EYS: variants seen among roughly 807,000 people sequenced by gnomAD.
EYS encodes protein eyes shut homolog.
Under a neutral mutation model 282.1 loss-of-function variants are expected in EYS, and 250 were observed. The ratio of observed to expected loss-of-function variants is 0.89; its 90% CI spans 0.80 to 0.98. EYS has a LOEUF of 0.98. Among genes scored for constraint, EYS ranks in the 50% least tolerant of loss-of-function variants. The probability of loss-of-function intolerance (pLI) is 0.00; values close to 1 mark genes in which losing one functional copy is unlikely to be tolerated. For missense variants in EYS, 4,016 were observed against 3,709.0 expected (o/e 1.08, Z -2.15); for synonymous variants, 1,355 against 1,282.9 (o/e 1.06, Z -1.20).
chr6:64,852,489 G>A (rs528011697), intron 19 of EYS, among the ~76,000 whole-genome samples: 38 of 152,098 alleles, frequency 2.5e-4, no homozygotes, highest in African/African-American at 9.2e-4. Flanking sequence ...GCCTATTGTG[G>A]GACATTGTGA....
intron 15 of EYS, among the ~76,000 whole-genome samples, chr6:64,917,122 G>C (rs6909808): frequency 6.0e-4 from 91 of 152,176 alleles, no homozygotes; most frequent in African/African-American, 2.0e-3. Flanking sequence ...GGCAGCACGC[G>C]CCTGTAGCCC....
At chr6:65,547,351 C>A (rs950618884) in intron 2 of EYS, among the ~76,000 whole-genome samples, 19 of 151,644 alleles carry the variant, frequency 1.3e-4, no homozygotes, top group African/African-American at 4.4e-4. Flanking sequence ...AGAGGGTATT[C>A]AAGTGTTTGC....
At chr6:65,011,456 T>C (rs1289896884) in intron 13 of EYS, among the ~76,000 whole-genome samples, 1 of 152,164 alleles carries the variant, frequency 6.6e-6, no homozygotes, top group Non-Finnish European at 1.5e-5. Context: ...ATGACTAAGG[T>C]CTACCGCAGA....
chr6:65,174,569 G>A (rs1020472941), intron 12 of EYS, among the ~76,000 whole-genome samples: 1 of 151,120 alleles, frequency 6.6e-6, no homozygotes, highest in African/African-American at 2.4e-5. Context: ...AAAAGTTTGT[G>A]AATAATACCA....
chr6:64,844,152 T>C (rs570866558), intron 19 of EYS, among the ~76,000 whole-genome samples: 1 of 152,282 alleles, frequency 6.6e-6, no homozygotes, highest in South Asian at 2.1e-4. Context: ...CGCTGGTATG[T>C]CTTTATCAGC....
chr6:63,829,387 C>T (rs891571726), intron 36 of EYS, among the ~76,000 whole-genome samples: 3 of 152,172 alleles, frequency 2.0e-5, no homozygotes, highest in African/African-American at 7.2e-5. Context: ...CTCCAATGGT[C>T]TTAGCAAATG....
chr6:65,591,162 T>C (rs1488347684), intron 2 of EYS, among the ~76,000 whole-genome samples: 3 of 151,850 alleles, frequency 2.0e-5, no homozygotes, highest in Non-Finnish European at 4.4e-5. Flanking sequence ...TGTCTTTTGA[T>C]AATAGCCATT....
intron 22 of EYS, among the ~76,000 whole-genome samples, chr6:64,804,148 A>G (rs1764354429): frequency 6.6e-6 from 1 of 152,220 alleles, no homozygotes; most frequent in Non-Finnish European, 1.5e-5. Context: ...TATTACAATA[A>G]AATTGTTATT....
At chr6:65,337,432 T>C (rs1412361504) in intron 10 of EYS, among the ~76,000 whole-genome samples, 2 of 151,368 alleles carry the variant, frequency 1.3e-5, no homozygotes, top group East Asian at 3.9e-4. Context: ...AAGGAGCACT[T>C]TTATAACTGG....
At chr6:64,290,304 T>C (rs1768655487) in intron 30 of EYS, among the ~76,000 whole-genome samples, 1 of 152,040 alleles carries the variant, frequency 6.6e-6, no homozygotes, top group Admixed American at 6.6e-5. Flanking sequence ...ACTTTATTTA[T>C]CTTCACAGCA....
intron 12 of EYS, among the ~76,000 whole-genome samples, chr6:65,084,727 G>A (rs888157417): frequency 6.6e-6 from 1 of 152,090 alleles, no homozygotes; most frequent in Non-Finnish European, 1.5e-5. Context: ...GACATTGAAC[G>A]TAGATAAATG....
intron 35 of EYS, among the ~76,000 whole-genome samples, chr6:63,939,983 G>A (rs1477019659): frequency 2.0e-5 from 3 of 152,306 alleles, no homozygotes; most frequent in South Asian, 2.1e-4. Flanking sequence ...TGGCTATTGA[G>A]GTGAGCTCAA....
intron 29 of EYS, among the ~76,000 whole-genome samples, chr6:64,381,542 T>C (rs1772749133): frequency 6.6e-6 from 1 of 152,220 alleles, no homozygotes; most frequent in South Asian, 2.1e-4. Flanking sequence ...ATCACTGATT[T>C]TCACTACTGC....
At chr6:65,155,181 A>G (rs1764703572) in intron 12 of EYS, among the ~76,000 whole-genome samples, 1 of 151,524 alleles carries the variant, frequency 6.6e-6, no homozygotes, top group African/African-American at 2.4e-5. Flanking sequence ...TTCAGGTAAC[A>G]TTCTATCAGC....
rs1168554087 is a variant in EYS at position 64,388,765 on chromosome 6, A to C, written c.6003T>G (p.His2001Gln). 8 of 1,545,428 alleles carry C rather than the reference A, an allele frequency of 5.2e-6. No homozygotes were observed. Among genetic ancestry groups the C allele is most frequent in the Non-Finnish European group, 7.0e-6 (8 of 1,143,958 alleles). Residue 2001 changes from histidine (H) to glutamine (Q), a missense_variant, in exon 29 of 43, where the codon CAT becomes CAG. Transcript: ENST00000503581. ...RNTQICESIN[H>Q]VLGKPLPKSG... ...ATTTTGGCAGGGGTTTTCCGAGTACATGATTGATAGATTCGCATATTTGTG... is the reference window on the plus strand; with the variant it reads ...ATTTTGGCAGGGGTTTTCCGAGTACCTGATTGATAGATTCGCATATTTGTG...
chr6:64,472,241 C>A (rs2150493066), intron 26 of EYS, among the ~76,000 whole-genome samples: 1 of 152,262 alleles, frequency 6.6e-6, no homozygotes, highest in Admixed American at 6.5e-5. Context: ...TAAATATGGT[C>A]CTGCTGCTGT....
At chr6:64,710,529 T>C (rs1473732860) in intron 22 of EYS, among the ~76,000 whole-genome samples, 1 of 152,220 alleles carries the variant, frequency 6.6e-6, no homozygotes. Context: ...CTTGAGCCGC[T>C]TGCTCTGGCC....
rs1766346855 is a variant in EYS, at chr6:64,864,381, C to CTT, written c.2992+22315_2992+22316insAA. 3.0e-5 allele frequency among the ~76,000 whole-genome samples: 4 copies of CTT among 131,274 alleles called. 1 individual carries two copies. The highest frequency in any genetic ancestry group is 8.5e-5 in the Admixed American group (1 of 11,704). 86.1% of individuals were successfully genotyped at this position (131,274 alleles called of 152,430 possible). A position where few individuals can be genotyped will look rare whatever the true frequency, so the allele number is the denominator to read the frequency against. ...TTTTGAGAAATACAGAGGTGCTATA[C>CTT]CTTCTTTTTTTTTTTTTTTTTTTTT... On this transcript the variant is annotated intron_variant, in intron 19 of 42. Coordinates refer to ENST00000503581, the MANE Select transcript of EYS (RefSeq NM_001142800.2).
chr6:64,182,981 T>C (rs891543197), intron 31 of EYS, among the ~76,000 whole-genome samples: 8 of 152,136 alleles, frequency 5.3e-5, no homozygotes, highest in Admixed American at 1.3e-4. Flanking sequence ...CCTTGAATTG[T>C]AGTTCCCATA....
Sources: allele counts gnomAD v4.1 joint callset (sites outside exome capture counted in the v4.1 genomes callset), GRCh38; gene constraint gnomAD v4.1.1; transcripts MANE v1.5; gene names NCBI Gene and HGNC (gene_info 2026-07-23, HGNC 2026-07-21).